The following SDK2 variants were observed in gnomAD, a reference collection of about 807,000 sequenced individuals.
The protein encoded by SDK2 is protein sidekick-2.
In SDK2, 105 loss-of-function variants were observed where a neutral mutation model predicts 253.9. The observed-to-expected ratio is 0.41, with a 90% CI of 0.35 to 0.49. The LOEUF is 0.49. Ranked by LOEUF, SDK2 falls within the 20% of genes least tolerant of loss-of-function variation. The pLI, the probability that SDK2 is intolerant of heterozygous loss-of-function variation, is 0.06. For missense variants in SDK2, 2,608 were observed against 3,003.0 expected (o/e 0.87, Z 3.07); for synonymous variants, 1,249 against 1,234.9 (o/e 1.01, Z -0.24).
chr17:73,503,653 T>A (rs1302120012), intron 2 of SDK2, among the ~76,000 whole-genome samples: 2 of 152,200 alleles, frequency 1.3e-5, no homozygotes, highest in East Asian at 3.8e-4. Flanking sequence ...CACCACTCTT[T>A]TCCCTTCTTA....
chr17:73,423,339 G>A (rs2063249345), intron 14 of SDK2, 47 bp downstream of exon 14: 1 of 1,364,832 alleles, frequency 7.3e-7, no homozygotes. Flanking sequence ...TGACTCCTAA[G>A]TCCAAGCTTG....
At position 73,639,899 on chromosome 17, in the gene SDK2, G is replaced by A. The variant is rs919182319; in HGVS notation, c.64+4126C>T. 2.6e-5 allele frequency among the ~76,000 whole-genome samples: 4 copies of A among 152,110 alleles called. No homozygotes were observed. The highest frequency in any genetic ancestry group is 6.5e-5 in the Admixed American group (1 of 15,274). ...GCAAGCAGAGACCAGATGGCCTTGT[G>A]GGCAGACGACGGTCCTAGATGACTT... On this transcript the variant is annotated intron_variant, in intron 1 of 44. Coordinates refer to ENST00000392650, the MANE Select transcript of SDK2 (RefSeq NM_001144952.2). This position sits in a 1 kb window ranked among gnomAD's most constrained non-coding sequence, Gnocchi z 4.3.
intron 38 of SDK2, among the ~76,000 whole-genome samples, chr17:73,362,984 G>A (rs886474142): frequency 3.9e-5 from 6 of 152,258 alleles, no homozygotes; most frequent in East Asian, 1.9e-4. Flanking sequence ...TTGTTCTGCC[G>A]AGTGAGGGTG....
intron 4 of SDK2, among the ~76,000 whole-genome samples, chr17:73,448,974 C>T (rs2063473169): frequency 6.6e-6 from 1 of 152,178 alleles, no homozygotes; most frequent in Non-Finnish European, 1.5e-5. Flanking sequence ...GTTTCTACCT[C>T]TTTGAAGCTC....
chr17:73,505,279 A>G (rs1179978947), intron 2 of SDK2, among the ~76,000 whole-genome samples: 1 of 152,132 alleles, frequency 6.6e-6, no homozygotes, highest in East Asian at 1.9e-4. Context: ...TTGAAGCCCA[A>G]CTCAACCATC....
At position 73,471,833 on chromosome 17, in the gene SDK2, C is replaced by G. The variant is rs552399858; in HGVS notation, c.331+279G>C. Among the ~76,000 whole-genome samples the G allele has an allele frequency of 4.6e-5, 7 of 152,294 alleles. No individual in the cohort carries two copies. The East Asian group carries it at 1.4e-3, about 29-fold the overall frequency. The stretch of plus-strand genomic sequence containing the variant: ...ACCCTTGTCTAAAATGAATGAAAAG[C>G]ACCAGGGAGCTCTTGGCTCTCGGGA... On this transcript the variant is annotated intron_variant, in intron 3 of 44. Coordinates refer to ENST00000392650, the MANE Select transcript of SDK2 (RefSeq NM_001144952.2).
Position 73,415,975 on chromosome 17 carries a change from A to G in SDK2, c.2204T>C (p.Leu735Pro), listed in dbSNP as rs373957538. ...GYIIRYCLAG[L>P]PVGYQFKNIT... Reference sequence around the variant, plus strand: ...GTTCTTAAACTGGTACCCCACGGGCAGCCCGGCCAGGCAGTACCTGAGGGG... The same window carrying G: ...GTTCTTAAACTGGTACCCCACGGGCGGCCCGGCCAGGCAGTACCTGAGGGG... The change falls in exon 17 of 45, where the codon CTG becomes CCG. Residue 735 changes from leucine (L) to proline (P), a missense_variant. Leu to Pro is a moderately conservative substitution (Grantham distance 98, BLOSUM62 -3). Coordinates refer to ENST00000392650, the MANE Select transcript of SDK2 (RefSeq NM_001144952.2). 6.2e-7 allele frequency: 1 copy of G among 1,610,904 alleles called. No individual in the cohort carries two copies. Among genetic ancestry groups the G allele is most frequent in the Non-Finnish European group, 8.5e-7 (1 of 1,178,840 alleles).
At chr17:73,499,675 A>G (rs1317698769) in intron 2 of SDK2, among the ~76,000 whole-genome samples, 1 of 152,220 alleles carries the variant, frequency 6.6e-6, no homozygotes, top group Admixed American at 6.5e-5. Flanking sequence ...CAGTGCTCCC[A>G]GATCTGCCGC....
intron 1 of SDK2, among the ~76,000 whole-genome samples, chr17:73,578,098 C>T (rs1158365999): frequency 1.3e-5 from 2 of 148,958 alleles, no homozygotes; most frequent in East Asian, 3.9e-4. Context: ...CTCGCTCTGT[C>T]ACCCAGGCTG....
chr17:73,375,859 A>G lies in SDK2; in HGVS notation c.4980+3318T>C, dbSNP rs1028091587. Among the ~76,000 whole-genome samples, 6 of 118,532 alleles carry G rather than the reference A, an allele frequency of 5.1e-5. No homozygotes were observed. The East Asian group carries it at 2.5e-3, about 49-fold the overall frequency. 77.8% of individuals were successfully genotyped at this position (118,532 alleles called of 152,430 possible). ...TGACAGAACAAGACTCCATCTCAGG[A>G]AAAAAAAGAAAGAAAGAAATAAAAT... On this transcript the variant is annotated intron_variant, in intron 36 of 44. Transcript: ENST00000392650.
At chr17:73,350,956 G>C (rs761403601) in intron 41 of SDK2, among the ~76,000 whole-genome samples, 166 bp from the exon 42 acceptor site, 1 of 152,156 alleles carries the variant, frequency 6.6e-6, no homozygotes, top group South Asian at 2.1e-4. Flanking sequence ...TCAAGTATCC[G>C]CTCTGATCAG....
At chr17:73,487,940 GCACGT>G (rs2063779865) in intron 2 of SDK2, among the ~76,000 whole-genome samples, 1 of 152,218 alleles carries the variant, frequency 6.6e-6, no homozygotes, top group African/African-American at 2.4e-5. Context: ...CACTCACTGA[GCACGT>G]GACCTCAGAC....
At chr17:73,483,696 TA>T (rs2063751616) in intron 2 of SDK2, among the ~76,000 whole-genome samples, 1 of 81,488 alleles carries the variant, frequency 1.2e-5, no homozygotes, top group South Asian at 4.2e-4. Flanking sequence ...TATATATATA[TA>T]TATATATATA....
At chr17:73,586,337 A>G (rs1181754147) in intron 1 of SDK2, among the ~76,000 whole-genome samples, 1 of 151,918 alleles carries the variant, frequency 6.6e-6, no homozygotes, top group Non-Finnish European at 1.5e-5. Context: ...GTGTGGCTGG[A>G]TCAATTCATC....
chr17:73,643,436 G>C lies in SDK2; in HGVS notation c.64+589C>G, dbSNP rs2046423367. 6.6e-6 allele frequency among the ~76,000 whole-genome samples: 1 copy of C among 152,144 alleles called. No homozygotes were observed. Among genetic ancestry groups the C allele is most frequent in the Admixed American group, 6.5e-5 (1 of 15,284 alleles). On this transcript the variant is annotated intron_variant, in intron 1 of 44. Coordinates refer to ENST00000392650, the MANE Select transcript of SDK2 (RefSeq NM_001144952.2). The surrounding 1 kb of genome is among the most constrained non-coding windows in gnomAD (Gnocchi z 6.9). ...GGCTGCACCCGCGACCTTGGCTCCA[G>C]GCCCGCGCAGCGAAGCACCCCCAGC...
chr17:73,497,541 G>A (rs574663001), intron 2 of SDK2, among the ~76,000 whole-genome samples: 5 of 151,658 alleles, frequency 3.3e-5, no homozygotes, highest in African/African-American at 4.8e-5. Context: ...CTCCTTCTCC[G>A]CCTGGGATTC....
intron 21 of SDK2, among the ~76,000 whole-genome samples, chr17:73,400,673 A>G (rs528768856): frequency 1.0e-3 from 152 of 150,688 alleles, no homozygotes; most frequent in African/African-American, 2.9e-3. Context: ...TTTTTTTTTG[A>G]GACGCGATGT....
rs370247077 is a variant in SDK2, at chr17:73,358,073, G to A, written c.5593+6C>T. 8.1e-6 allele frequency: 13 copies of A among 1,613,182 alleles called. No homozygotes were observed. Among genetic ancestry groups the A allele is most frequent in the African/African-American group, 5.3e-5 (4 of 75,068 alleles). On this transcript the variant is annotated splice_donor_region_variant and intron_variant, in intron 40 of 44. Transcript: ENST00000392650. ...TGGGGTCTCAGCCCAGCAGGGCGGG[G>A]CGCACCTGAAGGTCTGGCCTCGATG...
At chr17:73,464,747 C>A (rs1389657510) in intron 3 of SDK2, among the ~76,000 whole-genome samples, 2 of 152,302 alleles carry the variant, frequency 1.3e-5, no homozygotes, top group East Asian at 1.9e-4. Flanking sequence ...TTCCATGTCA[C>A]CCGCTCCCAA....
Sources: allele counts gnomAD v4.1 joint callset (sites outside exome capture counted in the v4.1 genomes callset), GRCh38; gene constraint gnomAD v4.1.1; non-coding constraint Gnocchi (gnomAD v3.1); transcripts MANE v1.5; gene names NCBI Gene and HGNC (gene_info 2026-07-23, HGNC 2026-07-21).